XRCC5: variants seen among roughly 807,000 people sequenced by gnomAD.
XRCC5 encodes the protein X-ray repair cross complementing 5.
XRCC5 carries 12 observed loss-of-function variants against 95.7 expected under a neutral mutation model. The ratio of observed to expected loss-of-function variants is 0.13; its 90% CI spans 0.08 to 0.20. The LOEUF is 0.20. XRCC5 is among the 10% of genes least tolerant of loss of function. The probability of loss-of-function intolerance (pLI) is 1.00; values close to 1 mark genes in which losing one functional copy is unlikely to be tolerated. For synonymous variants in XRCC5, 281 were observed against 290.3 expected, an observed-to-expected ratio of 0.97 and a Z score of 0.33; for missense variants, 595 against 873.9, an observed-to-expected ratio of 0.68 and a Z score of 4.02.
At chr2:216,117,093 G>GA (rs1417869685) in intron 3 of XRCC5, 12 of 512,154 alleles carry the variant, frequency 2.3e-5, no homozygotes, top group Non-Finnish European at 4.2e-5. Flanking sequence ...GGAGGCATAG[G>GA]AAGGGGGAAG....
intron 1 of XRCC5, among the ~76,000 whole-genome samples, chr2:216,111,156 C>T (rs1217910938): frequency 6.6e-6 from 1 of 152,196 alleles, no homozygotes; most frequent in East Asian, 1.9e-4. Flanking sequence ...GCATCAGTCT[C>T]CCTGTAACTT....
Position 216,192,631 on chromosome 2 carries a change from T to A in XRCC5, c.1945-8T>A. ...TGCTGCCTCCTCTACCCCAACTTGC[T>A]ACCACAGTTTTCAGAAGAGCAGCGC... On this transcript the variant is annotated splice_polypyrimidine_tract_variant and splice_region_variant and intron_variant, in intron 17 of 20. Transcript: ENST00000392132. 6.4e-7 allele frequency: 1 copy of A among 1,573,452 alleles called. No homozygotes were observed. Among genetic ancestry groups the A allele is most frequent in the Non-Finnish European group, 8.6e-7 (1 of 1,160,770 alleles).
intron 19 of XRCC5, among the ~76,000 whole-genome samples, chr2:216,200,700 AG>A (rs1489952186): frequency 6.6e-6 from 1 of 152,148 alleles, no homozygotes; most frequent in Admixed American, 6.5e-5. Context: ...CCATCCCTTG[AG>A]GTAACCACTA....
intron 11 of XRCC5, among the ~76,000 whole-genome samples, chr2:216,137,540 A>G (rs996393713): frequency 3.3e-5 from 5 of 152,248 alleles, no homozygotes; most frequent in Admixed American, 2.6e-4. Context: ...AGAATAATCA[A>G]TAAAGGTTCA....
At chr2:216,115,152 C>T (rs1159514519) in intron 2 of XRCC5, among the ~76,000 whole-genome samples, 3 of 143,924 alleles carry the variant, frequency 2.1e-5, no homozygotes, top group Non-Finnish European at 4.6e-5. Flanking sequence ...TGCTTTAAAC[C>T]TTGCTTATGT....
In XRCC5 at chr2:216,118,289, A is replaced by G. The variant is rs937600776; in HGVS notation, c.368+495A>G. ...TCTCCTGGGCTCAAGAGATCCTTGC[A>G]TCTCAGCCTCCTGAGTAGCTGGGAC... On this transcript the variant is annotated intron_variant, in intron 4 of 20. Coordinates refer to ENST00000392132, the MANE Select transcript of XRCC5 (RefSeq NM_021141.4). Among the ~76,000 whole-genome samples, 61 of 151,878 alleles carry G rather than the reference A, an allele frequency of 4.0e-4. 1 individual carries two copies. The highest frequency in any genetic ancestry group is 1.4e-3 in the African/African-American group (57 of 41,408).
chr2:216,201,194 G>T (rs752132656), intron 19 of XRCC5, among the ~76,000 whole-genome samples: 1 of 152,222 alleles, frequency 6.6e-6, no homozygotes, highest in Non-Finnish European at 1.5e-5. Context: ...CACCATGTTA[G>T]TGTTTATAGC....
At chr2:216,110,067 T>C (rs2105996453) in intron 1 of XRCC5, among the ~76,000 whole-genome samples, 1 of 152,324 alleles carries the variant, frequency 6.6e-6, no homozygotes, top group African/African-American at 2.4e-5. Flanking sequence ...GAAAACTATT[T>C]ATCCCCATTT....
At chr2:216,181,570 C>T (rs185034240) in intron 16 of XRCC5, among the ~76,000 whole-genome samples, 355 of 152,318 alleles carry the variant, frequency 2.3e-3, no homozygotes, top group Admixed American at 3.7e-3. Context: ...ACCCCCAAAT[C>T]CTACTCTAAA....
At chr2:216,187,812 C>T (rs1231424031) in intron 16 of XRCC5, among the ~76,000 whole-genome samples, 2 of 111,524 alleles carry the variant, frequency 1.8e-5, no homozygotes, top group African/African-American at 8.7e-5. Context: ...CACACACACA[C>T]ACACACACAC....
At chr2:216,146,224 A>G (rs1688631965) in intron 13 of XRCC5, among the ~76,000 whole-genome samples, 1 of 152,170 alleles carries the variant, frequency 6.6e-6, no homozygotes, top group African/African-American at 2.4e-5. Context: ...TGAAATGGGG[A>G]AGGGAGCAGG....
rs183926516 is a variant in XRCC5 at position 216,197,917 on chromosome 2, G to C, written c.2109+2931G>C. Among the ~76,000 whole-genome samples the C allele has an allele frequency of 1.3e-3, 193 of 152,174 alleles. 1 individual carries two copies. The highest frequency in any genetic ancestry group is 2.2e-3 in the Non-Finnish European group (148 of 68,004). ...GCTAAAGAACCATTCACATTGTATG[G>C]TGTTTGTCTACAACACTATATACAT... On this transcript the variant is annotated intron_variant, in intron 19 of 20. Coordinates refer to ENST00000392132, the MANE Select transcript of XRCC5 (RefSeq NM_021141.4).
At chr2:216,178,818 T>C (rs1405606850) in intron 16 of XRCC5, among the ~76,000 whole-genome samples, 2 of 152,166 alleles carry the variant, frequency 1.3e-5, no homozygotes, top group Non-Finnish European at 2.9e-5. Flanking sequence ...CAGTGCTAAA[T>C]ACACAGCTTA....
At chr2:216,109,782 A>C in intron 1 of XRCC5, among the ~76,000 whole-genome samples, 1 of 133,854 alleles carries the variant, frequency 7.5e-6, no homozygotes, top group African/African-American at 2.9e-5. Flanking sequence ...ATCCCATTCC[A>C]CTCCCTAGCC....
chr2:216,142,258 C>T (rs1235284533), intron 13 of XRCC5, among the ~76,000 whole-genome samples: 2 of 151,942 alleles, frequency 1.3e-5, no homozygotes, highest in Non-Finnish European at 2.9e-5. Flanking sequence ...TATATGAACT[C>T]TATAATAATA....
At position 216,112,949 on chromosome 2, in the gene XRCC5, A is replaced by G. The variant is rs925749823; in HGVS notation, c.22-67A>G. 4.9e-6 allele frequency: 6 copies of G among 1,227,356 alleles called. No individual in the cohort carries two copies. In the African/African-American group the frequency reaches 6.0e-5, roughly 12 times the overall value. 76.0% of individuals were successfully genotyped at this position (1,227,356 alleles called of 1,614,324 possible). On this transcript the variant is annotated intron_variant, in intron 1 of 20. Coordinates refer to ENST00000392132, the MANE Select transcript of XRCC5 (RefSeq NM_021141.4). ...TACAGGTTCATGAATACAATAAGCA[A>G]GGGACATTCTTACAGTCTTTTCTTA...
intron 4 of XRCC5, among the ~76,000 whole-genome samples, chr2:216,118,397 A>G (rs1047637494): frequency 2.6e-5 from 4 of 152,086 alleles, no homozygotes; most frequent in Admixed American, 1.3e-4. Context: ...AGGTTTTCTC[A>G]GACTCTTGGC....
At chr2:216,196,501 T>G (rs1689723285) in intron 19 of XRCC5, among the ~76,000 whole-genome samples, 1 of 152,198 alleles carries the variant, frequency 6.6e-6, no homozygotes, top group South Asian at 2.1e-4. Flanking sequence ...AACGTACATG[T>G]GTGCGTGTGT....
chr2:216,195,505 G>A (rs1164202644), intron 19 of XRCC5, among the ~76,000 whole-genome samples: 1 of 151,164 alleles, frequency 6.6e-6, no homozygotes, highest in Non-Finnish European at 1.5e-5. Context: ...CCTGGGCACA[G>A]TTGGTTTGTT....
Sources: allele counts gnomAD v4.1 joint callset (sites outside exome capture counted in the v4.1 genomes callset), GRCh38; gene constraint gnomAD v4.1.1; transcripts MANE v1.5; gene names NCBI Gene and HGNC (gene_info 2026-07-23, HGNC 2026-07-21).